The following EPHA3 variants were observed in gnomAD, a reference collection of about 807,000 sequenced individuals.
The protein encoded by EPHA3 is ephrin type-A receptor 3.
A neutral mutation model predicts 107.1 loss-of-function variants in EPHA3; 42 were observed. That is an observed-to-expected ratio of 0.39 (90% CI 0.31 to 0.51). The LOEUF is 0.51. Ranked by LOEUF, EPHA3 falls within the 20% of genes least tolerant of loss-of-function variation. The pLI is 0.78. For missense variants in EPHA3, 1,183 were observed against 1,211.2 expected, an observed-to-expected ratio of 0.98 and a Z score of 0.35; for synonymous variants, 461 against 424.8, an observed-to-expected ratio of 1.09 and a Z score of -1.05.
At chr3:89,212,913 A>G (rs1704138794) in intron 3 of EPHA3, among the ~76,000 whole-genome samples, 3 of 152,132 alleles carry the variant, frequency 2.0e-5, no homozygotes, top group African/African-American at 7.2e-5. Flanking sequence ...GATGTGATGT[A>G]TGAAGACACC....
rs767567858 is a variant in EPHA3 at position 89,480,186 on chromosome 3, G to T, written c.*684G>T. On this transcript the variant is annotated 3_prime_UTR_variant, in exon 17 of 17. Coordinates refer to ENST00000336596, the MANE Select transcript of EPHA3 (RefSeq NM_005233.6). Reference sequence around the variant, plus strand: ...TATTGTTTTCTATTTATGCCTTGATGATTTAATATGGATTTGTTACAGCCA... The same window carrying T: ...TATTGTTTTCTATTTATGCCTTGATTATTTAATATGGATTTGTTACAGCCA... 1 of 232,974 alleles carries T rather than the reference G, an allele frequency of 4.3e-6. No homozygotes were observed. Among genetic ancestry groups the T allele is most frequent in the East Asian group, 6.1e-5 (1 of 16,424 alleles). The allele number at this position is 232,974 out of a possible 1,614,324, so 14.4% of individuals were successfully genotyped here.
At chr3:89,153,208 T>C (rs1304444078) in intron 2 of EPHA3, among the ~76,000 whole-genome samples, 1 of 152,086 alleles carries the variant, frequency 6.6e-6, no homozygotes, top group Non-Finnish European at 1.5e-5. Flanking sequence ...AGCTTCATCT[T>C]GAAGCAGGTA....
At chr3:89,248,718 G>C (rs1380334949) in intron 3 of EPHA3, among the ~76,000 whole-genome samples, 1 of 152,148 alleles carries the variant, frequency 6.6e-6, no homozygotes, top group Non-Finnish European at 1.5e-5. Flanking sequence ...CAGGAATTTG[G>C]TTGTGGCAAT....
intron 5 of EPHA3, among the ~76,000 whole-genome samples, chr3:89,360,413 C>T (rs1258953709): frequency 6.6e-6 from 1 of 151,034 alleles, no homozygotes; most frequent in Admixed American, 6.6e-5. Context: ...CACTACCTCA[C>T]TGGCAATTGC....
At chr3:89,393,282 C>T (rs186255502) in intron 5 of EPHA3, among the ~76,000 whole-genome samples, 8 of 152,274 alleles carry the variant, frequency 5.3e-5, no homozygotes, top group Admixed American at 2.6e-4. Flanking sequence ...CCAACAGGGT[C>T]CTGCAGCTTG....
chr3:89,414,876 A>C (rs964149569), intron 10 of EPHA3, among the ~76,000 whole-genome samples: 9 of 151,640 alleles, frequency 5.9e-5, no homozygotes, highest in African/African-American at 2.2e-4. Flanking sequence ...CCTGATGCTC[A>C]TTAAAGATTA....
At chr3:89,331,980 T>A (rs1707299625) in intron 3 of EPHA3, among the ~76,000 whole-genome samples, 1 of 152,186 alleles carries the variant, frequency 6.6e-6, no homozygotes, top group African/African-American at 2.4e-5. Flanking sequence ...CTCCAGGCTG[T>A]CTGCTAATAT....
intron 6 of EPHA3, among the ~76,000 whole-genome samples, chr3:89,398,184 A>G (rs1708888326): frequency 6.6e-6 from 1 of 152,056 alleles, no homozygotes; most frequent in African/African-American, 2.4e-5. Context: ...TGTACTATTC[A>G]ATCTCGTTTT....
chr3:89,182,324 A>G (rs1426376009), intron 2 of EPHA3, among the ~76,000 whole-genome samples: 1 of 151,950 alleles, frequency 6.6e-6, no homozygotes, highest in African/African-American at 2.4e-5. Flanking sequence ...TGCTAATGGT[A>G]TAGTCTGTAC....
At chr3:89,122,310 T>G (rs1018529906) in intron 1 of EPHA3, among the ~76,000 whole-genome samples, 1 of 152,214 alleles carries the variant, frequency 6.6e-6, no homozygotes, top group African/African-American at 2.4e-5. Context: ...TTTGTTGTAG[T>G]GGTTTTATAG....
chr3:89,288,006 G>T (rs1706129296), intron 3 of EPHA3, among the ~76,000 whole-genome samples: 2 of 151,872 alleles, frequency 1.3e-5, no homozygotes, highest in African/African-American at 4.8e-5. Flanking sequence ...CTACCTGACA[G>T]GAAAACATAC....
In EPHA3 at chr3:89,208,430, GAAAGAAAGAAAGAAAGAAAGA is replaced by G. The variant is rs1706169728; in HGVS notation, c.154-1427_154-1407del. Among the ~76,000 whole-genome samples the G allele has an allele frequency of 3.4e-5, 3 of 88,848 alleles. No individual in the cohort carries two copies. The South Asian group carries it at 1.2e-3, about 34-fold the overall frequency. 58.3% of individuals were successfully genotyped at this position (88,848 alleles called of 152,430 possible). A position where few individuals can be genotyped will look rare whatever the true frequency, so the allele number is the denominator to read the frequency against. On this transcript the variant is annotated intron_variant, in intron 2 of 16. Coordinates refer to ENST00000336596, the MANE Select transcript of EPHA3 (RefSeq NM_005233.6). ...AGGAAGGAAGGAAGGAAGGAAGAAAGAAAGAAAGAAAGAAAGAAAGAAAGAAAGAAAGAAAGAAAGAAAGAA... is the reference window on the plus strand; with the variant it reads ...AGGAAGGAAGGAAGGAAGGAAGAAAGAAGAAAGAAAGAAAGAAAGAAAGAA...
intron 3 of EPHA3, among the ~76,000 whole-genome samples, chr3:89,296,707 C>T (rs1213870807): frequency 1.3e-5 from 2 of 152,112 alleles, no homozygotes; most frequent in African/African-American, 4.8e-5. Flanking sequence ...GTCAGCCTGC[C>T]CTTTGAAACT....
At chr3:89,319,299 T>G (rs1347245702) in intron 3 of EPHA3, among the ~76,000 whole-genome samples, 1 of 151,918 alleles carries the variant, frequency 6.6e-6, no homozygotes, top group Non-Finnish European at 1.5e-5. Context: ...GTATTATCAG[T>G]GCACACCAAT....
intron 3 of EPHA3, among the ~76,000 whole-genome samples, chr3:89,301,942 T>A (rs2107346933): frequency 6.6e-6 from 1 of 152,212 alleles, no homozygotes; most frequent in Non-Finnish European, 1.5e-5. Flanking sequence ...CCTTTTAAAC[T>A]TTGAGTGTAC....
intron 2 of EPHA3, among the ~76,000 whole-genome samples, chr3:89,182,756 C>T (rs897133788): frequency 2.0e-5 from 3 of 151,800 alleles, no homozygotes; most frequent in African/African-American, 7.2e-5. Flanking sequence ...CTTAGCATAT[C>T]TTTCTACATC....
chr3:89,448,620 G>C (rs182907351), intron 13 of EPHA3, among the ~76,000 whole-genome samples: 1 of 152,048 alleles, frequency 6.6e-6, no homozygotes, highest in Admixed American at 6.6e-5. Context: ...TATGGTGCTT[G>C]CCTACTATCC....
chr3:89,350,409 C>A (rs1185342290), intron 5 of EPHA3, among the ~76,000 whole-genome samples: 1 of 151,472 alleles, frequency 6.6e-6, no homozygotes, highest in East Asian at 1.9e-4. Context: ...TTGATCACAT[C>A]GTCTCCTGAG....
At chr3:89,249,978 A>G (rs1705123805) in intron 3 of EPHA3, among the ~76,000 whole-genome samples, 1 of 152,208 alleles carries the variant, frequency 6.6e-6, no homozygotes, top group Non-Finnish European at 1.5e-5. Flanking sequence ...CCAGAGCCGA[A>G]TGCTTGTAAA....
Sources: allele counts gnomAD v4.1 joint callset (sites outside exome capture counted in the v4.1 genomes callset), GRCh38; gene constraint gnomAD v4.1.1; transcripts MANE v1.5; gene names NCBI Gene and HGNC (gene_info 2026-07-23, HGNC 2026-07-21).